Variants in KCNIP4 observed in about 807,000 individuals in gnomAD.
KCNIP4 encodes the protein Kv channel-interacting protein 4.
KCNIP4 carries 12 observed loss-of-function variants against 34.0 expected under a neutral mutation model. The observed-to-expected ratio is 0.35, with a 90% confidence interval of 0.23 to 0.57. KCNIP4 has a LOEUF of 0.57. Ranked by LOEUF, KCNIP4 falls within the 20% of genes least tolerant of loss-of-function variation. The pLI, the probability that KCNIP4 is intolerant of heterozygous loss-of-function variation, is 0.83. For missense variants in KCNIP4, 238 were observed against 311.7 expected, an observed-to-expected ratio of 0.76 and a Z score of 1.78; for synonymous variants, 124 against 102.2, an observed-to-expected ratio of 1.21 and a Z score of -1.29.
chr4:20,880,382 A>C (rs1173755540), intron 2 of KCNIP4, among the ~76,000 whole-genome samples: 1 of 152,198 alleles, frequency 6.6e-6, no homozygotes, highest in Non-Finnish European at 1.5e-5. Context: ...GGGGTCCACA[A>C]ATCACGAGCT....
intron 1 of KCNIP4, among the ~76,000 whole-genome samples, chr4:21,431,788 C>T (rs1726473901): frequency 6.6e-6 from 1 of 151,376 alleles, no homozygotes; most frequent in Admixed American, 6.6e-5. Flanking sequence ...ACTACCACTG[C>T]CAGGACAGAT....
At chr4:20,779,588 C>T (rs999033033) in intron 3 of KCNIP4, among the ~76,000 whole-genome samples, 18 of 82,088 alleles carry the variant, frequency 2.2e-4, no homozygotes, top group Non-Finnish European at 2.2e-4. Context: ...CCCCCCCCCC[C>T]ACACAAAAAA....
At chr4:20,754,546 T>C (rs1374783178) in intron 4 of KCNIP4, among the ~76,000 whole-genome samples, 1 of 152,244 alleles carries the variant, frequency 6.6e-6, no homozygotes, top group African/African-American at 2.4e-5. Flanking sequence ...AAACAATTTG[T>C]ATGTATGATA....
At chr4:20,812,009 G>A (rs554264752) in intron 3 of KCNIP4, among the ~76,000 whole-genome samples, 79 of 152,306 alleles carry the variant, frequency 5.2e-4, no homozygotes, top group Admixed American at 3.9e-4. Flanking sequence ...GTTTGATGGT[G>A]CCACTTTTTT....
rs147817737 is a variant in KCNIP4, at chr4:21,855,989, T to C, written c.61+92582A>G. On this transcript the variant is annotated intron_variant, in intron 1 of 8. Coordinates refer to ENST00000382152, the MANE Select transcript of KCNIP4 (RefSeq NM_025221.6). ...GTCTGTTAAAATGAGAGTTTTTACT[T>C]AACAGTTCTAGCAGTTCTAGGCCAC... is the stretch of plus-strand genomic sequence containing the variant. Among the ~76,000 whole-genome samples, 18 of 152,352 alleles carry C rather than the reference T, an allele frequency of 1.2e-4. No homozygotes were observed. In the East Asian group the frequency reaches 3.3e-3, roughly 28 times the overall value.
rs1747026776 is a variant in KCNIP4, at chr4:20,729,124, T to TGAATGGCTTGTAATATAAA, written c.*939_*957dup. On this transcript the variant is annotated 3_prime_UTR_variant, in exon 9 of 9. Coordinates refer to ENST00000382152, the MANE Select transcript of KCNIP4 (RefSeq NM_025221.6). Reference sequence around the variant, plus strand: ...TAGTCAAGGTTTCTTTCTTTGTCCCTGAATGGCTTGTAATATAAATAAACA... The same window carrying TGAATGGCTTGTAATATAAA: ...TAGTCAAGGTTTCTTTCTTTGTCCCTGAATGGCTTGTAATATAAAGAATGGCTTGTAATATAAATAAACA... 6.6e-6 allele frequency: 1 copy of TGAATGGCTTGTAATATAAA among 151,900 alleles called. No homozygotes were observed. Among genetic ancestry groups the TGAATGGCTTGTAATATAAA allele is most frequent in the Non-Finnish European group, 1.5e-5 (1 of 68,008 alleles). The allele number at this position is 151,900 out of a possible 1,614,324, so 9.4% of individuals were successfully genotyped here.
At chr4:21,148,611 G>A (rs1752549944) in intron 1 of KCNIP4, among the ~76,000 whole-genome samples, 2 of 151,218 alleles carry the variant, frequency 1.3e-5, no homozygotes, top group Admixed American at 6.6e-5. Context: ...ATTATTCATT[G>A]TTTTTCCTGT....
intron 1 of KCNIP4, among the ~76,000 whole-genome samples, chr4:21,594,966 T>A (rs114336205): frequency 0.066 from 9,987 of 151,862 alleles, 475 homozygotes; most frequent in African/African-American, 0.13. Flanking sequence ...TTACTTTTTT[T>A]AAAAAAATTT....
Position 21,057,327 on chromosome 4 carries a change from A to G in KCNIP4, c.62-174618T>C, listed in dbSNP as rs527903838. Among the ~76,000 whole-genome samples, 116 of 152,328 alleles carry G rather than the reference A, an allele frequency of 7.6e-4. 1 individual carries two copies. Among genetic ancestry groups the G allele is most frequent in the African/African-American group, 2.6e-3 (109 of 41,584 alleles). ...CAAAAGAAACACATAGTTCTGTCAT[A>G]AAGTAGATTTTCTATCCCTTTTATT... On this transcript the variant is annotated intron_variant, in intron 1 of 8. Transcript: ENST00000382152.
chr4:21,125,492 G>C (rs1166226536), intron 1 of KCNIP4, among the ~76,000 whole-genome samples: 1 of 152,206 alleles, frequency 6.6e-6, no homozygotes, highest in East Asian at 1.9e-4. Flanking sequence ...TGGGATTCCA[G>C]GTGTGAGCCA....
chr4:21,927,033 T>G (rs1729286300), intron 1 of KCNIP4, among the ~76,000 whole-genome samples: 1 of 152,194 alleles, frequency 6.6e-6, no homozygotes, highest in Non-Finnish European at 1.5e-5. Flanking sequence ...TTCTGGAGGC[T>G]CTAGGAAAGA....
chr4:20,873,454 TTCTC>T (rs1723696971), intron 2 of KCNIP4, among the ~76,000 whole-genome samples: 1 of 152,188 alleles, frequency 6.6e-6, no homozygotes, highest in Non-Finnish European at 1.5e-5. Context: ...GTCTTTCTCT[TTCTC>T]TCTCAACAAT....
intron 1 of KCNIP4, among the ~76,000 whole-genome samples, chr4:21,290,651 T>A (rs1763389608): frequency 6.6e-6 from 1 of 152,160 alleles, no homozygotes; most frequent in Non-Finnish European, 1.5e-5. Flanking sequence ...AACATGCAAA[T>A]GAAACAAGGC....
intron 1 of KCNIP4, among the ~76,000 whole-genome samples, chr4:20,979,399 C>CTTTT (rs762394597): frequency 9.0e-5 from 12 of 133,312 alleles, no homozygotes; most frequent in Non-Finnish European, 9.6e-5. Context: ...CACTTTCTTT[C>CTTTT]TTTTTTTTTT....
chr4:21,581,919 A>G (rs1481797523), intron 1 of KCNIP4, among the ~76,000 whole-genome samples: 3 of 151,882 alleles, frequency 2.0e-5, no homozygotes, highest in Non-Finnish European at 4.4e-5. Flanking sequence ...TTTAATGATG[A>G]GTCGAGACCA....
chr4:21,140,001 G>C (rs1208996573), intron 1 of KCNIP4, among the ~76,000 whole-genome samples: 2 of 152,092 alleles, frequency 1.3e-5, no homozygotes, highest in African/African-American at 4.8e-5. Context: ...AAAGTTACAG[G>C]ATAGATGTCC....
chr4:21,055,189 C>T (rs189858859), intron 1 of KCNIP4, among the ~76,000 whole-genome samples: 52 of 152,160 alleles, frequency 3.4e-4, no homozygotes, highest in Middle Eastern at 6.8e-3. Flanking sequence ...TATGTAATTA[C>T]AGGAGTATAA....
At chr4:21,277,435 GGTAACATTTTTAA>G (rs1421746831) in intron 1 of KCNIP4, among the ~76,000 whole-genome samples, 1 of 151,962 alleles carries the variant, frequency 6.6e-6, no homozygotes. Flanking sequence ...GATACCCTAG[GGTAACATTTTTAA>G]AAGGGTCACA....
At chr4:20,841,970 C>T (rs76230309) in intron 3 of KCNIP4, among the ~76,000 whole-genome samples, 2,571 of 152,186 alleles carry the variant, frequency 0.017, 30 homozygotes, top group Non-Finnish European at 0.026. Flanking sequence ...ATGCCACTTC[C>T]CTTTCTCTAG....
Sources: allele counts gnomAD v4.1 joint callset (sites outside exome capture counted in the v4.1 genomes callset), GRCh38; gene constraint gnomAD v4.1.1; transcripts MANE v1.5; gene names NCBI Gene and HGNC (gene_info 2026-07-23, HGNC 2026-07-21).